The following SETBP1 variants were observed in gnomAD, a reference collection of about 807,000 sequenced individuals.
The protein encoded by SETBP1 is SET-binding protein.
In SETBP1, 9 loss-of-function variants were observed where a neutral mutation model predicts 101.0. The ratio of observed to expected loss-of-function variants is 0.09; its 90% CI spans 0.05 to 0.16. SETBP1 has a LOEUF of 0.16. SETBP1 is among the 10% of genes least tolerant of loss of function. SETBP1 has a pLI of 1.00. For missense variants in SETBP1, 1,858 were observed against 2,033.8 expected (o/e 0.91, Z 1.66); for synonymous variants, 818 against 788.5 (o/e 1.04, Z -0.63).
intron 3 of SETBP1, among the ~76,000 whole-genome samples, chr18:44,913,565 G>A (rs2070361916): frequency 1.3e-5 from 2 of 152,186 alleles, no homozygotes; most frequent in Admixed American, 1.3e-4. Context: ...GGGCACGAAG[G>A]GCCTGGAAAA....
intron 2 of SETBP1, among the ~76,000 whole-genome samples, chr18:44,837,053 G>A (rs972857360): frequency 6.6e-6 from 1 of 152,168 alleles, no homozygotes; most frequent in African/African-American, 2.4e-5. Context: ...GATTGCAAAG[G>A]GCAGGAAGGG....
intron 2 of SETBP1, among the ~76,000 whole-genome samples, chr18:44,800,732 A>C (rs1356839564): frequency 6.6e-6 from 1 of 152,176 alleles, no homozygotes; most frequent in Non-Finnish European, 1.5e-5. Flanking sequence ...GTGGGAAATG[A>C]GACTGGAGTG....
intron 4 of SETBP1, among the ~76,000 whole-genome samples, chr18:44,996,085 G>A (rs1268083360): frequency 6.6e-6 from 1 of 152,160 alleles, no homozygotes; most frequent in African/African-American, 2.4e-5. Flanking sequence ...CCAATACAGG[G>A]TTTATGTCTA....
chr18:44,968,372 T>C (rs1340633525), intron 4 of SETBP1, among the ~76,000 whole-genome samples: 10 of 152,124 alleles, frequency 6.6e-5, no homozygotes, highest in Admixed American at 4.6e-4. Flanking sequence ...AAAGCAAATA[T>C]AATAATTAAA....
intron 4 of SETBP1, among the ~76,000 whole-genome samples, chr18:45,000,695 G>A (rs1394744821): frequency 6.6e-6 from 1 of 152,070 alleles, no homozygotes; most frequent in African/African-American, 2.4e-5. Context: ...AGAGAAAGCA[G>A]AGAAGTTGTA....
At chr18:44,880,804 C>G (rs2069514194) in intron 3 of SETBP1, among the ~76,000 whole-genome samples, 1 of 152,168 alleles carries the variant, frequency 6.6e-6, no homozygotes, top group South Asian at 2.1e-4. Context: ...CCAAGTCATT[C>G]ATGAGGGATC....
chr18:44,797,555 C>G lies in SETBP1; in HGVS notation c.487-71675C>G, dbSNP rs553380133. 2.0e-5 allele frequency among the ~76,000 whole-genome samples: 3 copies of G among 152,260 alleles called. No homozygotes were observed. In the East Asian group the frequency reaches 5.8e-4, roughly 29 times the overall value. On this transcript the variant is annotated intron_variant, in intron 2 of 5. Transcript: ENST00000649279. The stretch of plus-strand genomic sequence containing the variant: ...TAGCCTGGTGAGAGGTGGCCCCATC[C>G]AGGCTGAGTCACAGATGCAGGTTCA...
chr18:45,031,906 G>A (rs951429653), intron 4 of SETBP1, among the ~76,000 whole-genome samples: 1 of 152,182 alleles, frequency 6.6e-6, no homozygotes, highest in South Asian at 2.1e-4. Flanking sequence ...ATTTTTCCCA[G>A]CTGCCTTTCC....
rs147161920 is a variant in SETBP1, at chr18:45,057,854, A to G, written c.4172-5225A>G. ...AGTGTCTATTTCTTGAGAATCTTCT[A>G]TATAACTAAGCCTTGTTAGCCTTTG... On this transcript the variant is annotated intron_variant, in intron 5 of 5. Coordinates refer to ENST00000649279, the MANE Select transcript of SETBP1 (RefSeq NM_015559.3). Among the ~76,000 whole-genome samples the G allele has an allele frequency of 6.1e-3, 931 of 152,376 alleles. 10 individuals carry two copies. Among genetic ancestry groups the G allele is most frequent in the African/African-American group, 0.021 (853 of 41,590 alleles).
chr18:44,880,847 TC>T (rs949301719), intron 3 of SETBP1, among the ~76,000 whole-genome samples: 113 of 152,222 alleles, frequency 7.4e-4, no homozygotes, highest in African/African-American at 2.6e-3. Context: ...CCCACAAGGC[TC>T]CACCTCCAAG....
rs1000398838 is a variant in SETBP1 at position 45,065,034 on chromosome 18, A to C, written c.*1336A>C. 6.6e-6 allele frequency: 1 copy of C among 152,188 alleles called. No homozygotes were observed. The highest frequency in any genetic ancestry group is 1.5e-5 in the Non-Finnish European group (1 of 68,040). The allele number at this position is 152,188 out of a possible 1,614,324, so 9.4% of individuals were successfully genotyped here. On this transcript the variant is annotated 3_prime_UTR_variant, in exon 6 of 6. Coordinates refer to ENST00000649279, the MANE Select transcript of SETBP1 (RefSeq NM_015559.3). ...ATTATTGTACATAATGTAATTATAA[A>C]TCTATCAGTCTGCATGGATGCAAAC...
chr18:45,000,470 G>A (rs1007101910), intron 4 of SETBP1, among the ~76,000 whole-genome samples: 1 of 151,806 alleles, frequency 6.6e-6, no homozygotes, highest in African/African-American at 2.4e-5. Flanking sequence ...GTAAGTGTAG[G>A]GGGAGGTTGG....
At chr18:45,054,940 C>A (rs117244582) in intron 5 of SETBP1, among the ~76,000 whole-genome samples, 1 of 152,168 alleles carries the variant, frequency 6.6e-6, no homozygotes, top group Non-Finnish European at 1.5e-5. Flanking sequence ...ATGGATAGGG[C>A]ACCCCTCACT....
chr18:44,959,360 T>C (rs147488711), intron 4 of SETBP1, among the ~76,000 whole-genome samples: 1 of 152,356 alleles, frequency 6.6e-6, no homozygotes, highest in Non-Finnish European at 1.5e-5. Flanking sequence ...AAGTGATGAA[T>C]ACTTTTAAAA....
intron 4 of SETBP1, among the ~76,000 whole-genome samples, chr18:45,015,138 G>C (rs1322164493): frequency 6.6e-6 from 1 of 152,198 alleles, no homozygotes; most frequent in African/African-American, 2.4e-5. Context: ...GAGTAGAAAG[G>C]AATGACCCCA....
intron 3 of SETBP1, among the ~76,000 whole-genome samples, chr18:44,878,993 C>T (rs2069471720): frequency 1.3e-5 from 2 of 152,178 alleles, no homozygotes; most frequent in Non-Finnish European, 2.9e-5. Context: ...CTTCCACCAC[C>T]CTCCAGCTCT....
At position 44,950,864 on chromosome 18, in the gene SETBP1, G is replaced by T. The variant is rs929753972; in HGVS notation, c.1524G>T (p.Thr508=). The T allele has an allele frequency of 1.2e-6, 2 of 1,614,120 alleles. No homozygotes were observed. The highest frequency in any genetic ancestry group is 1.7e-6 in the Non-Finnish European group (2 of 1,180,022). The change falls in exon 4 of 6, where the codon ACG becomes ACT. Residue 508 remains threonine, a synonymous_variant. Transcript: ENST00000649279. The part of the protein sequence containing the change: ...RKPPMVMTPP[T]CTDHSPSRKL... ...CACCCATGGTCATGACACCTCCAAC[G>T]TGCACAGATCACTCTCCATCCAGAA... is the stretch of plus-strand genomic sequence containing the variant.
chr18:44,779,776 A>C (rs1178427351), intron 2 of SETBP1, among the ~76,000 whole-genome samples: 4 of 152,034 alleles, frequency 2.6e-5, no homozygotes, highest in Non-Finnish European at 4.4e-5. Context: ...TTCCTTTTCT[A>C]GCTTCTTACC....
intron 4 of SETBP1, among the ~76,000 whole-genome samples, chr18:44,983,963 G>A (rs947250157): frequency 3.3e-5 from 5 of 152,202 alleles, no homozygotes; most frequent in African/African-American, 1.2e-4. Flanking sequence ...CAGCACTTTG[G>A]GAGGCTGAGG....
Sources: allele counts gnomAD v4.1 joint callset (sites outside exome capture counted in the v4.1 genomes callset), GRCh38; gene constraint gnomAD v4.1.1; transcripts MANE v1.5; gene names NCBI Gene and HGNC (gene_info 2026-07-23, HGNC 2026-07-21).